Variants in TMEM216 observed in about 807,000 individuals in gnomAD.
The protein encoded by TMEM216 is transmembrane protein 216, also known as cerebello-oculo-renal syndrome 2.
A neutral mutation model predicts 17.8 loss-of-function variants in TMEM216; 15 were observed. The ratio of observed to expected loss-of-function variants is 0.84; its 90% confidence interval spans 0.56 to 1.30. The LOEUF (loss-of-function observed/expected upper bound fraction) is 1.30. TMEM216 is among the 50% of genes most tolerant of loss of function. TMEM216 has a pLI of 0.00. For missense variants in TMEM216, 160 were observed against 175.7 expected (o/e 0.91, Z 0.51); for synonymous variants, 58 against 73.5 (o/e 0.79, Z 1.08).
Position 61,398,066 on chromosome 11 carries a change from C to G in TMEM216, c.431+91C>G. On this transcript the variant is annotated intron_variant, in intron 4 of 4. Coordinates refer to ENST00000515837, the MANE Select transcript of TMEM216 (RefSeq NM_001173990.3). The stretch of plus-strand genomic sequence containing the variant: ...AGTATTCTTCTGAAGCCTAAGGGGT[C>G]TAGAAGACTTTTTTCTAGAGGGAGG... 3 of 1,512,720 alleles carry G rather than the reference C, an allele frequency of 2.0e-6. No homozygotes were observed. In the South Asian group the frequency reaches 3.4e-5, roughly 17 times the overall value. The allele number at this position is 1,512,720 out of a possible 1,614,324, so 93.7% of individuals were successfully genotyped here.
At position 61,398,138 on chromosome 11, in the gene TMEM216, G is replaced by C. The variant is rs1176121544; in HGVS notation, c.432-132G>C. The C allele has an allele frequency of 1.1e-5, 16 of 1,413,050 alleles. No individual in the cohort carries two copies. In the African/African-American group the frequency reaches 2.0e-4, roughly 17 times the overall value. The allele number at this position is 1,413,050 out of a possible 1,614,324, so 87.5% of individuals were successfully genotyped here. On this transcript the variant is annotated intron_variant, in intron 4 of 4. Transcript: ENST00000515837. ...CTTTCCTGTTTAGGGTAGGTAGATCGTTTCCCACTCAGGGAAGATACTCTC... is the reference window on the plus strand; with the variant it reads ...CTTTCCTGTTTAGGGTAGGTAGATCCTTTCCCACTCAGGGAAGATACTCTC...
At chr11:61,394,722 A>C (rs1858760787) in intron 3 of TMEM216, among the ~76,000 whole-genome samples, 1 of 148,602 alleles carries the variant, frequency 6.7e-6, no homozygotes, top group African/African-American at 2.5e-5. Flanking sequence ...GCTGGAGTGC[A>C]GTGGCACCAT....
chr11:61,392,677 G>A lies in TMEM216; in HGVS notation c.34+12G>A. 2.6e-6 allele frequency: 4 copies of A among 1,536,126 alleles called. No homozygotes were observed. The highest frequency in any genetic ancestry group is 3.5e-6 in the Non-Finnish European group (4 of 1,146,910). Reference sequence around the variant, plus strand: ...GATGGCGCCGCGAGGTGAGATTCCGGAGGTGTGTGAGTCGCTGGTCCCTTT... The same window carrying A: ...GATGGCGCCGCGAGGTGAGATTCCGAAGGTGTGTGAGTCGCTGGTCCCTTT... On this transcript the variant is annotated intron_variant, in intron 1 of 4. Coordinates refer to ENST00000515837, the MANE Select transcript of TMEM216 (RefSeq NM_001173990.3).
At chr11:61,393,137 A>G (rs903227142) in intron 1 of TMEM216, 94 bp from the exon 2 acceptor site, 2 of 911,128 alleles carry the variant, frequency 2.2e-6, no homozygotes, top group South Asian at 1.8e-5. Context: ...CATTAGTTGC[A>G]GCGTCTAGTT....
intron 1 of TMEM216, chr11:61,392,947 CAGAGTG>C (rs1858706923): frequency 1.1e-6 from 1 of 892,868 alleles, no homozygotes; most frequent in South Asian, 5.1e-5. Context: ...CAAATAGTGA[CAGAGTG>C]AGATCTTTGA....
At chr11:61,393,437 A>C (rs974023801) in intron 2 of TMEM216, 105 bp downstream of exon 2, 61 of 813,294 alleles carry the variant, frequency 7.5e-5, no homozygotes, top group Middle Eastern at 4.7e-4. Flanking sequence ...TGCCCCCTGC[A>C]GTTCTTTGTC....
chr11:61,393,280 G>C lies in TMEM216; in HGVS notation c.84G>C (p.Gly28=), dbSNP rs1237830618. 4 of 1,536,056 alleles carry C rather than the reference G, an allele frequency of 2.6e-6. No homozygotes were observed. The highest frequency in any genetic ancestry group is 3.5e-6 in the Non-Finnish European group (4 of 1,146,850). ...TGGAAATCCTGTTCTTTCTGAACGG[G>C]TGGTATAATGCTACCTATTTCCTGC... ...TPLEILFFLN[G]WYNATYFLLE... The change falls in exon 2 of 5, where the codon GGG becomes GGC. Residue 28 remains glycine (G), a synonymous_variant. Coordinates refer to ENST00000515837, the MANE Select transcript of TMEM216 (RefSeq NM_001173990.3).
intron 1 of TMEM216, 80 bp downstream of exon 1, chr11:61,392,745 T>G: frequency 2.0e-6 from 3 of 1,534,718 alleles, no homozygotes; most frequent in Non-Finnish European, 2.6e-6. Flanking sequence ...GAGCTTGACC[T>G]AAACCCTCCA....
chr11:61,394,153 G>A, intron 3 of TMEM216, 177 bp downstream of exon 3: 1 of 590,942 alleles, frequency 1.7e-6, no homozygotes, highest in South Asian at 2.1e-5. Flanking sequence ...AGATTTACCT[G>A]TTTGTTGCTC....
intron 2 of TMEM216, 85 bp downstream of exon 2, chr11:61,393,417 C>T (rs991234445): frequency 1.1e-5 from 11 of 1,000,328 alleles, no homozygotes; most frequent in African/African-American, 4.8e-5. Flanking sequence ...TCTTATTTTC[C>T]GTTCTTTTCT....
At chr11:61,394,186 AG>A (rs1217042446) in intron 3 of TMEM216, 1 of 540,296 alleles carries the variant, frequency 1.9e-6, no homozygotes, top group African/African-American at 1.9e-5. Flanking sequence ...GATGGGCAAT[AG>A]AATGGGATAT....
chr11:61,393,287 A>G lies in TMEM216; in HGVS notation c.91A>G (p.Asn31Asp), dbSNP rs1308476266. Residue 31 changes from asparagine (N) to aspartate (D), a missense_variant, in exon 2 of 5, where the codon AAT (asparagine) becomes GAT (aspartate). By Grantham distance (23) the Asn-to-Asp change is conservative. Transcript: ENST00000515837. ...EILFFLNGWY[N>D]ATYFLLELFI... ...CCTGTTCTTTCTGAACGGGTGGTAT[A>G]ATGCTACCTATTTCCTGCTGGAACT... is the stretch of plus-strand genomic sequence containing the variant. 4 of 1,535,906 alleles carry G rather than the reference A, an allele frequency of 2.6e-6. No individual in the cohort carries two copies. Among genetic ancestry groups the G allele is most frequent in the Non-Finnish European group, 3.5e-6 (4 of 1,146,850 alleles).
In TMEM216 at chr11:61,393,326, T is replaced by A; in HGVS notation, c.130T>A (p.Tyr44Asn). ...YFLLELFIFL[Y>N]KGVLLPYPTA... is the part of the protein sequence containing the mutation. ...CCTGCTGGAACTTTTCATATTTCTGTATAAAGGTAAGGAAGGCTTGGGGCT... is the reference window on the plus strand; with the variant it reads ...CCTGCTGGAACTTTTCATATTTCTGAATAAAGGTAAGGAAGGCTTGGGGCT... Residue 44 changes from tyrosine to asparagine, a missense_variant, in exon 2 of 5, where the codon TAT becomes AAT. Physicochemically the swap from Tyr to Asn is moderately radical, Grantham distance 143. Coordinates refer to ENST00000515837, the MANE Select transcript of TMEM216 (RefSeq NM_001173990.3). 1 of 1,533,744 alleles carries A rather than the reference T, an allele frequency of 6.5e-7. No homozygotes were observed. The highest frequency in any genetic ancestry group is 8.7e-7 in the Non-Finnish European group (1 of 1,144,778).
rs1416107304 is a variant in TMEM216, at chr11:61,392,591, C to T, written c.-41C>T. On this transcript the variant is annotated 5_prime_UTR_variant, in exon 1 of 5. Transcript: ENST00000515837. ...AACCCAGGCCGCTTCGTCCCTGTTT[C>T]CGGCAGCGCCGCGCTGCTCCGGGAG... The T allele has an allele frequency of 4.2e-5, 65 of 1,532,088 alleles. No individual in the cohort carries two copies. Among genetic ancestry groups the T allele is most frequent in the Non-Finnish European group, 5.2e-5 (60 of 1,144,466 alleles). 94.9% of individuals were successfully genotyped at this position (1,532,088 alleles called of 1,614,324 possible).
chr11:61,393,044 G>A (rs1198554012), intron 1 of TMEM216, 187 bp from the exon 2 acceptor site: 2 of 444,404 alleles, frequency 4.5e-6, no homozygotes, highest in Non-Finnish European at 6.0e-6. Context: ...TCCTAGGAAA[G>A]GAGGGAAGCC....
intron 3 of TMEM216, among the ~76,000 whole-genome samples, chr11:61,395,185 A>G (rs1858772055): frequency 6.6e-6 from 1 of 151,896 alleles, no homozygotes; most frequent in South Asian, 2.1e-4. Flanking sequence ...CTTGTTGCCC[A>G]GGCTGGTCTG....
At chr11:61,395,729 A>G (rs978840272) in intron 3 of TMEM216, among the ~76,000 whole-genome samples, 1 of 116,506 alleles carries the variant, frequency 8.6e-6, no homozygotes, top group South Asian at 2.3e-4. Context: ...AGTGAGACTC[A>G]AAAAAAAAAA....
In TMEM216 at chr11:61,398,319, CA is replaced by C. The variant is rs1858848329; in HGVS notation, c.*44del. The C allele has an allele frequency of 1.9e-6, 3 of 1,602,914 alleles. No individual in the cohort carries two copies. The African/African-American group carries it at 4.0e-5, about 21-fold the overall frequency. ...AGCAGCCCATCAGGCTGACACCACA[CA>C]TATTGCTTCTGGTACTTTAGCCACA... On this transcript the variant is annotated 3_prime_UTR_variant, in exon 5 of 5. Coordinates refer to ENST00000515837, the MANE Select transcript of TMEM216 (RefSeq NM_001173990.3).
chr11:61,393,998 T>C, intron 3 of TMEM216, 22 bp downstream of exon 3: 2 of 1,600,118 alleles, frequency 1.2e-6, no homozygotes, highest in Non-Finnish European at 1.7e-6. Context: ...CCAGAGAATA[T>C]TTCCACTCCT....
Sources: gnomAD v4.1 joint callset for allele counts (sites outside exome capture counted in the v4.1 genomes callset) on GRCh38, gnomAD v4.1.1 for gene constraint, MANE v1.5 for transcripts, NCBI Gene and HGNC (gene_info 2026-07-23, HGNC 2026-07-21) for gene names.